Variants in ADRA1B observed in about 807,000 individuals in gnomAD.
ADRA1B encodes the protein alpha-1B adrenergic receptor.
Under a neutral mutation model 17.9 loss-of-function variants are expected in ADRA1B, and 17 were observed. The ratio of observed to expected loss-of-function variants is 0.95; its 90% CI spans 0.65 to 1.42. ADRA1B has a LOEUF of 1.42. ADRA1B is among the 40% of genes most tolerant of loss of function. The probability of loss-of-function intolerance (pLI) is 0.00; values close to 1 mark genes in which losing one functional copy is unlikely to be tolerated. For missense variants in ADRA1B, 681 were observed against 722.1 expected, an observed-to-expected ratio of 0.94 and a Z score of 0.65; for synonymous variants, 366 against 327.6, an observed-to-expected ratio of 1.12 and a Z score of -1.27.
At chr5:159,886,061 G>T (rs1349199606) in intron 1 of ADRA1B, among the ~76,000 whole-genome samples, 1 of 152,136 alleles carries the variant, frequency 6.6e-6, no homozygotes, top group Non-Finnish European at 1.5e-5. Flanking sequence ...GGAAAAACTT[G>T]CTCCAAAAAG....
intron 1 of ADRA1B, among the ~76,000 whole-genome samples, chr5:159,921,519 G>A (rs911012469): frequency 6.6e-6 from 1 of 152,162 alleles, no homozygotes; most frequent in African/African-American, 2.4e-5. Flanking sequence ...TGCAGCAGTG[G>A]GGGAAATTGG....
the ADRA1B span, among the ~76,000 whole-genome samples, chr5:159,981,564 C>T: frequency 2.6e-5 from 4 of 152,122 alleles, no homozygotes; most frequent in African/African-American, 9.7e-5. Flanking sequence ...GACGCGATCT[C>T]GGCTCACTGC....
chr5:159,916,982 C>T lies in ADRA1B; in HGVS notation c.77C>T (p.Thr26Ile), dbSNP rs1754328100. Residue 26 changes from threonine (T) to isoleucine (I), a missense_variant, in exon 1 of 2, where the codon ACT becomes ATT. Around this residue, in one of 3 missense-constraint regions of ADRA1B, gnomAD observed 424 missense variants for 480.2 expected, o/e 0.88. Transcript: ENST00000306675. The stretch of plus-strand genomic sequence containing the variant: ...GGAGAGTTGAAAAATGCCAACTTCA[C>T]TGGCCCCAACCAGACCTCGAGCAAC... ...HWGELKNANF[T>I]GPNQTSSNST... The T allele has an allele frequency of 3.1e-6, 5 of 1,614,072 alleles. No individual in the cohort carries two copies. The Admixed American group carries it at 5.0e-5, about 16-fold the overall frequency.
At chr5:159,921,542 C>T (rs1048977834) in intron 1 of ADRA1B, among the ~76,000 whole-genome samples, 1 of 152,020 alleles carries the variant, frequency 6.6e-6, no homozygotes. Context: ...GATGCAGGGC[C>T]GGTAGCAGGA....
intron 1 of ADRA1B, among the ~76,000 whole-genome samples, chr5:159,899,263 A>AAAGGAAGGAAGGAAGGAAGG (rs199633101): frequency 8.4e-5 from 9 of 106,514 alleles, no homozygotes; most frequent in East Asian, 7.9e-4. Context: ...AGGAAGGAAG[A>AAAGGAAGGAAGGAAGGAAGG]AAGGAAGGAA....
chr5:159,919,488 G>A (rs1442125632), intron 1 of ADRA1B, among the ~76,000 whole-genome samples: 2 of 152,248 alleles, frequency 1.3e-5, no homozygotes, highest in African/African-American at 4.8e-5. Context: ...AAACAGGGCT[G>A]ATTAATATTT....
At chr5:159,984,458 T>C in the ADRA1B span, among the ~76,000 whole-genome samples, 1 of 152,060 alleles carries the variant, frequency 6.6e-6, no homozygotes, top group African/African-American at 2.4e-5. Flanking sequence ...CCAGAATCCA[T>C]CTATTTTGCA....
chr5:159,967,747 G>C (rs1454964486), intron 1 of ADRA1B, among the ~76,000 whole-genome samples: 1 of 152,148 alleles, frequency 6.6e-6, no homozygotes. Flanking sequence ...GGAATAAACA[G>C]TGTAATGAGC....
At chr5:159,949,870 A>G (rs1755377700) in intron 1 of ADRA1B, among the ~76,000 whole-genome samples, 1 of 152,170 alleles carries the variant, frequency 6.6e-6, no homozygotes, top group African/African-American at 2.4e-5. Context: ...GGCGTTTTTC[A>G]TTATGTCCTC....
At chr5:159,891,066 C>G (rs1056572294) in intron 1 of ADRA1B, among the ~76,000 whole-genome samples, 6 of 152,280 alleles carry the variant, frequency 3.9e-5, no homozygotes, top group South Asian at 2.1e-4. Context: ...ACCTACCCCC[C>G]CTCTAAGATG....
chr5:159,980,304 C>G, the ADRA1B span, among the ~76,000 whole-genome samples: 1 of 152,120 alleles, frequency 6.6e-6, no homozygotes, highest in East Asian at 1.9e-4. Flanking sequence ...ACAATAATCT[C>G]CACCCGAAAG....
At chr5:159,885,797 G>A (rs1200733370) in intron 1 of ADRA1B, among the ~76,000 whole-genome samples, 1 of 152,186 alleles carries the variant, frequency 6.6e-6, no homozygotes, top group Admixed American at 6.5e-5. Flanking sequence ...AACATCCCAA[G>A]TTAGACAGTG....
rs562934741 is a variant in ADRA1B, at chr5:159,951,257, A to G, written c.950-20622A>G. 9.4e-5 allele frequency: 96 copies of G among 1,025,032 alleles called. No homozygotes were observed. In the African/African-American group the frequency reaches 1.4e-3, roughly 15 times the overall value. The allele number at this position is 1,025,032 out of a possible 1,614,324, so 63.5% of individuals were successfully genotyped here. A position where few individuals can be genotyped will look rare whatever the true frequency, so the allele number is the denominator to read the frequency against. On this transcript the variant is annotated intron_variant, in intron 1 of 1. Transcript: ENST00000306675. Reference sequence around the variant, plus strand: ...CATCGCCCCATTTGATTTTGGAGGGATCTTGCTCCTGGAAGATGGTGATGG... The same window carrying G: ...CATCGCCCCATTTGATTTTGGAGGGGTCTTGCTCCTGGAAGATGGTGATGG...
chr5:159,891,409 C>A (rs1753982137), intron 1 of ADRA1B, among the ~76,000 whole-genome samples: 1 of 152,156 alleles, frequency 6.6e-6, no homozygotes, highest in South Asian at 2.1e-4. Context: ...TGGTTAAGAC[C>A]CAGCCCCTCA....
At chr5:159,908,479 T>C (rs1443362441) in intron 1 of ADRA1B, among the ~76,000 whole-genome samples, 1 of 152,112 alleles carries the variant, frequency 6.6e-6, no homozygotes, top group Non-Finnish European at 1.5e-5. Context: ...GAGAGCTTGT[T>C]GTTCAAAAGA....
intron 1 of ADRA1B, among the ~76,000 whole-genome samples, chr5:159,931,037 T>TTA (rs1754790281): frequency 6.8e-6 from 1 of 147,272 alleles, no homozygotes. Flanking sequence ...AATATATATA[T>TTA]TATATATATT....
chr5:159,982,240 C>T, the ADRA1B span, among the ~76,000 whole-genome samples: 1,851 of 152,288 alleles, frequency 0.012, 28 homozygotes, highest in African/African-American at 0.043. Context: ...TGACTGGACA[C>T]CTAACAGGTG....
intron 1 of ADRA1B, among the ~76,000 whole-genome samples, chr5:159,902,274 G>A (rs954242231): frequency 3.9e-5 from 6 of 152,200 alleles, no homozygotes; most frequent in African/African-American, 1.4e-4. Flanking sequence ...TCACTTACAT[G>A]AGATAAGTAG....
At chr5:159,876,253 G>C (rs764819524) in intron 1 of ADRA1B, among the ~76,000 whole-genome samples, 26 of 152,192 alleles carry the variant, frequency 1.7e-4, no homozygotes, top group Non-Finnish European at 3.2e-4. Flanking sequence ...CTACAAGTTG[G>C]CATGGTTAGA....
Sources: allele counts gnomAD v4.1 joint callset (sites outside exome capture counted in the v4.1 genomes callset), GRCh38; gene constraint gnomAD v4.1.1; regional missense constraint gnomAD v4.1.1; transcripts MANE v1.5; gene names NCBI Gene and HGNC (gene_info 2026-07-23, HGNC 2026-07-21).